Variants in PHF14 observed in about 807,000 individuals in gnomAD.
PHF14 encodes PHD finger protein 14.
In PHF14, 55 loss-of-function variants were observed where a neutral mutation model predicts 117.9. The ratio of observed to expected loss-of-function variants is 0.47; its 90% CI spans 0.38 to 0.58. The LOEUF is 0.58. Ranked by LOEUF, PHF14 falls within the 20% of genes least tolerant of loss-of-function variation. The pLI is 0.00. For synonymous variants in PHF14, 409 were observed against 368.6 expected, an observed-to-expected ratio of 1.11 and a Z score of -1.26; for missense variants, 978 against 1,122.2, an observed-to-expected ratio of 0.87 and a Z score of 1.84.
chr7:10,978,656 C>T (rs1422220904), intron 2 of PHF14, among the ~76,000 whole-genome samples: 1 of 152,126 alleles, frequency 6.6e-6, no homozygotes, highest in Admixed American at 6.6e-5. Context: ...GTTGTGGAGG[C>T]TTGTCCTGTA....
rs143008625 is a variant in PHF14, at chr7:11,144,596, T to C, written c.2773-24820T>C. 2.0e-3 allele frequency among the ~76,000 whole-genome samples: 290 copies of C among 148,326 alleles called. 1 individual carries two copies. The highest frequency in any genetic ancestry group is 3.6e-3 in the Middle Eastern group (1 of 278). The stretch of plus-strand genomic sequence containing the variant: ...ATATATAAAATATAAATTAATGTAA[T>C]ATATTTATATAATAATATATAATTA... On this transcript the variant is annotated intron_variant, in intron 17 of 17. Coordinates refer to ENST00000634607, the MANE Select transcript of PHF14 (RefSeq NM_001007157.2).
rs55917513 is a variant in PHF14 at position 11,004,246 on chromosome 7, C to CAAAAAA, written c.1046-9483_1046-9478dup. Among the ~76,000 whole-genome samples, 407 of 51,146 alleles carry CAAAAAA rather than the reference C, an allele frequency of 8.0e-3. 13 individuals carry two copies. The highest frequency in any genetic ancestry group is 0.025 in the African/African-American group (350 of 13,840). 33.6% of individuals were successfully genotyped at this position (51,146 alleles called of 152,430 possible). On this transcript the variant is annotated intron_variant, in intron 4 of 17. Coordinates refer to ENST00000634607, the MANE Select transcript of PHF14 (RefSeq NM_001007157.2). ...TGGGCTACAGAGGAAGACTTTGTCT[C>CAAAAAA]AAAAAAAAAAAAAAAAAAAAAAAGA...
At chr7:11,117,799 T>TTTA (rs1273272517) in intron 17 of PHF14, among the ~76,000 whole-genome samples, 4 of 151,742 alleles carry the variant, frequency 2.6e-5, no homozygotes, top group Non-Finnish European at 5.9e-5. Context: ...ATTGAGAAGA[T>TTTA]TTATGAAAAA....
At chr7:11,008,489 C>G (rs528537586) in intron 4 of PHF14, among the ~76,000 whole-genome samples, 18 of 152,036 alleles carry the variant, frequency 1.2e-4, no homozygotes, top group Non-Finnish European at 1.5e-4. Flanking sequence ...CCTGGAAGCG[C>G]GAACACTATT....
chr7:11,162,850 T>G (rs769956633), intron 17 of PHF14, among the ~76,000 whole-genome samples: 49 of 152,218 alleles, frequency 3.2e-4, no homozygotes, highest in Non-Finnish European at 2.8e-4. Context: ...CACTGCCCTA[T>G]TTCTTTGCTA....
Position 11,169,566 on chromosome 7 carries a change from A to C in PHF14, c.*76A>C, listed in dbSNP as rs757563632. 48 of 607,476 alleles carry C rather than the reference A, an allele frequency of 7.9e-5. No homozygotes were observed. Among genetic ancestry groups the C allele is most frequent in the Non-Finnish European group, 1.2e-4 (43 of 364,652 alleles). 37.6% of individuals were successfully genotyped at this position (607,476 alleles called of 1,614,324 possible). A position where few individuals can be genotyped will look rare whatever the true frequency, so the allele number is the denominator to read the frequency against. On this transcript the variant is annotated 3_prime_UTR_variant, in exon 18 of 18. Coordinates refer to ENST00000634607, the MANE Select transcript of PHF14 (RefSeq NM_001007157.2). ...TAAAATTTCTAATTGTAAAATGTTA[A>C]ATTGTAAAATCTAATTTGCAAAATG...
intron 16 of PHF14, among the ~76,000 whole-genome samples, chr7:11,087,874 A>G (rs1428270773): frequency 6.6e-6 from 1 of 152,218 alleles, no homozygotes; most frequent in Non-Finnish European, 1.5e-5. Context: ...AAGAAGTCGA[A>G]TGGGGGCAAA....
intron 16 of PHF14, among the ~76,000 whole-genome samples, chr7:11,088,601 G>T (rs892602845): frequency 1.3e-5 from 2 of 151,450 alleles, no homozygotes; most frequent in Non-Finnish European, 2.9e-5. Context: ...TACTGTTTTG[G>T]TTTTGTTAGT....
chr7:11,103,025 G>C (rs970047622), intron 16 of PHF14: 19 of 989,394 alleles, frequency 1.9e-5, no homozygotes, highest in Non-Finnish European at 2.3e-5. Context: ...CTGCTATTCT[G>C]TTTCCTTCAA....
At chr7:10,989,669 C>A (rs920787840) in intron 3 of PHF14, among the ~76,000 whole-genome samples, 3 of 152,114 alleles carry the variant, frequency 2.0e-5, no homozygotes, top group African/African-American at 7.2e-5. Context: ...CTTGTGCTGT[C>A]CCCCAGGCTG....
At chr7:11,036,808 G>C in intron 9 of PHF14, 120 bp downstream of exon 9, 1 of 1,007,700 alleles carries the variant, frequency 9.9e-7, no homozygotes, top group Non-Finnish European at 1.4e-6. Context: ...ATAGAGGGAT[G>C]TTTATTTTCC....
rs1164533846 is a variant in PHF14 at position 10,991,921 on chromosome 7, AT to A, written c.1045+1078del. ...CCTTATTTCCAGTTTTTTTTTTTTAATTTTAAATTTTTAAAAATTATTTCTA... is the reference window on the plus strand; with the variant it reads ...CCTTATTTCCAGTTTTTTTTTTTTAATTTAAATTTTTAAAAATTATTTCTA... On this transcript the variant is annotated intron_variant, in intron 4 of 17. Coordinates refer to ENST00000634607, the MANE Select transcript of PHF14 (RefSeq NM_001007157.2). Among the ~76,000 whole-genome samples, 5 of 149,624 alleles carry A rather than the reference AT, an allele frequency of 3.3e-5. No homozygotes were observed. In the East Asian group the frequency reaches 9.8e-4, roughly 29 times the overall value.
chr7:11,097,523 T>A (rs1302628122), intron 16 of PHF14, among the ~76,000 whole-genome samples: 1 of 152,154 alleles, frequency 6.6e-6, no homozygotes, highest in East Asian at 1.9e-4. Flanking sequence ...GAATTAGGAT[T>A]CAAGGGTAGG....
intron 17 of PHF14, among the ~76,000 whole-genome samples, chr7:11,144,465 C>A (rs564818389): frequency 2.6e-5 from 4 of 151,276 alleles, no homozygotes; most frequent in Admixed American, 1.3e-4. Context: ...TGTACCTATA[C>A]CCCATGTTTA....
chr7:11,062,560 C>T, intron 16 of PHF14: 1 of 302,940 alleles, frequency 3.3e-6, no homozygotes, highest in Non-Finnish European at 4.8e-6. Context: ...GTGTTAAATG[C>T]TTCTCCCTTA....
At chr7:10,999,111 A>C (rs1356834244) in intron 4 of PHF14, among the ~76,000 whole-genome samples, 1 of 152,140 alleles carries the variant, frequency 6.6e-6, no homozygotes, top group African/African-American at 2.4e-5. Flanking sequence ...CTGGGCTCAA[A>C]CAATCTTCTT....
intron 7 of PHF14, among the ~76,000 whole-genome samples, chr7:11,034,509 TA>T (rs1335997454): frequency 1.3e-5 from 2 of 151,536 alleles, no homozygotes; most frequent in Non-Finnish European, 2.9e-5. Context: ...TAAATTTTTT[TA>T]TTGACAGGGC....
chr7:11,090,771 G>A (rs541545061), intron 16 of PHF14, among the ~76,000 whole-genome samples: 5 of 152,166 alleles, frequency 3.3e-5, no homozygotes, highest in African/African-American at 1.2e-4. Flanking sequence ...TTATGTAGAG[G>A]GTTTATAAGA....
chr7:10,980,772 G>A (rs566981247), intron 2 of PHF14, among the ~76,000 whole-genome samples: 40 of 152,222 alleles, frequency 2.6e-4, no homozygotes, highest in South Asian at 8.3e-4. Flanking sequence ...TAATACCATG[G>A]ACTTCACTGG....
Sources: gnomAD v4.1 joint callset for allele counts (sites outside exome capture counted in the v4.1 genomes callset) on GRCh38, gnomAD v4.1.1 for gene constraint, MANE v1.5 for transcripts, NCBI Gene and HGNC (gene_info 2026-07-23, HGNC 2026-07-21) for gene names.